Variants in PTPRD observed in about 807,000 individuals in gnomAD.
PTPRD encodes protein tyrosine phosphatase receptor type D.
PTPRD carries 34 observed loss-of-function variants against 214.5 expected under a neutral mutation model. The ratio of observed to expected loss-of-function variants is 0.16; its 90% CI spans 0.12 to 0.21. The LOEUF is 0.21. Ranked by LOEUF, PTPRD falls within the 10% of genes least tolerant of loss-of-function variation. PTPRD has a pLI of 1.00. For synonymous variants in PTPRD, 1,128 were observed against 845.7 expected (o/e 1.33, Z -5.79); for missense variants, 2,545 against 2,398.7 (o/e 1.06, Z -1.27).
intron 36 of PTPRD, among the ~76,000 whole-genome samples, chr9:8,403,080 G>T (rs2130429386): frequency 6.6e-6 from 1 of 152,242 alleles, no homozygotes; most frequent in Non-Finnish European, 1.5e-5. Context: ...AAAAAAACTG[G>T]AAACAAATGT....
chr9:10,348,783 G>A (rs1057001634), intron 2 of PTPRD, among the ~76,000 whole-genome samples: 2 of 152,104 alleles, frequency 1.3e-5, no homozygotes, highest in Admixed American at 6.5e-5. Context: ...AAGCTAAAAG[G>A]AAAAGTCCAG....
At chr9:8,441,214 C>A (rs781323824) in intron 34 of PTPRD, among the ~76,000 whole-genome samples, 1 of 152,012 alleles carries the variant, frequency 6.6e-6, no homozygotes, top group Non-Finnish European at 1.5e-5. Flanking sequence ...CCAGAAAGAA[C>A]AGTAATTCTT....
chr9:10,292,606 G>A (rs1422949161), intron 3 of PTPRD, among the ~76,000 whole-genome samples: 1 of 151,834 alleles, frequency 6.6e-6, no homozygotes, highest in Non-Finnish European at 1.5e-5. Flanking sequence ...TGTTATTTTT[G>A]GGCAATCTTA....
chr9:9,582,021 C>T (rs779129227), intron 7 of PTPRD, among the ~76,000 whole-genome samples: 1 of 152,122 alleles, frequency 6.6e-6, no homozygotes, highest in Non-Finnish European at 1.5e-5. Context: ...AGACATTGTA[C>T]AATTGCATTC....
intron 27 of PTPRD, 73 bp downstream of exon 27, chr9:8,492,789 G>C: frequency 9.6e-7 from 1 of 1,046,076 alleles, no homozygotes; most frequent in Non-Finnish European, 1.4e-6. Context: ...ATAAAAGCCT[G>C]CTAGAAGCTA....
intron 5 of PTPRD, among the ~76,000 whole-genome samples, chr9:9,808,950 A>ATTTTTT (rs59065058): frequency 7.0e-6 from 1 of 142,258 alleles, no homozygotes; most frequent in Non-Finnish European, 1.5e-5. Context: ...TTTATTTTGT[A>ATTTTTT]TTTTTTTTTT....
intron 2 of PTPRD, among the ~76,000 whole-genome samples, chr9:10,421,392 G>C (rs1022773463): frequency 2.0e-5 from 3 of 151,834 alleles, no homozygotes; most frequent in Non-Finnish European, 4.4e-5. Flanking sequence ...ATGGAGCAAG[G>C]TTCCGTTGAT....
intron 11 of PTPRD, among the ~76,000 whole-genome samples, chr9:8,920,232 T>C (rs375654816): frequency 6.6e-6 from 1 of 151,838 alleles, no homozygotes. Flanking sequence ...TCCTAGCTAC[T>C]TGGGGGGCTG....
intron 10 of PTPRD, among the ~76,000 whole-genome samples, chr9:9,058,740 C>T (rs899639973): frequency 1.8e-4 from 27 of 151,802 alleles, no homozygotes; most frequent in Non-Finnish European, 3.2e-4. Flanking sequence ...TGAGCCACCG[C>T]GCCCGGCCGA....
At chr9:9,293,828 C>T (rs1340674360) in intron 9 of PTPRD, among the ~76,000 whole-genome samples, 1 of 151,570 alleles carries the variant, frequency 6.6e-6, no homozygotes, top group Non-Finnish European at 1.5e-5. Flanking sequence ...TGAGGTACAA[C>T]AGTAAAATTA....
At chr9:9,139,973 G>C (rs2099857292) in intron 10 of PTPRD, among the ~76,000 whole-genome samples, 1 of 152,054 alleles carries the variant, frequency 6.6e-6, no homozygotes, top group South Asian at 2.1e-4. Flanking sequence ...GAAATGGTGG[G>C]AATATCTAGT....
At chr9:8,502,084 C>G (rs1384571220) in intron 23 of PTPRD, among the ~76,000 whole-genome samples, 1 of 152,098 alleles carries the variant, frequency 6.6e-6, no homozygotes, top group Non-Finnish European at 1.5e-5. Context: ...GACATACTTT[C>G]TTACTGCCCA....
chr9:9,007,792 G>A (rs1408372980), intron 11 of PTPRD, among the ~76,000 whole-genome samples: 21 of 82,106 alleles, frequency 2.6e-4, no homozygotes, highest in African/African-American at 9.0e-4. Context: ...TCTTTCAGTT[G>A]TTTCTTTCTT....
chr9:9,974,104 C>T (rs979594436), intron 4 of PTPRD, among the ~76,000 whole-genome samples: 19 of 152,272 alleles, frequency 1.2e-4, no homozygotes, highest in Non-Finnish European at 1.9e-4. Context: ...TAGGCTTGCT[C>T]AACATCTTTA....
intron 8 of PTPRD, among the ~76,000 whole-genome samples, chr9:9,548,431 G>A (rs566968892): frequency 1.9e-3 from 251 of 133,112 alleles, no homozygotes; most frequent in African/African-American, 6.7e-3. Flanking sequence ...TTTTTAAGAC[G>A]GAGTCTCGCT....
intron 2 of PTPRD, among the ~76,000 whole-genome samples, chr9:10,392,500 T>C (rs1178965776): frequency 6.6e-6 from 1 of 151,876 alleles, no homozygotes; most frequent in African/African-American, 2.4e-5. Flanking sequence ...TTTTATTTAA[T>C]GAATATTTAT....
At chr9:9,195,775 T>G (rs566665249) in intron 9 of PTPRD, among the ~76,000 whole-genome samples, 1 of 151,256 alleles carries the variant, frequency 6.6e-6, no homozygotes, top group South Asian at 2.1e-4. Context: ...GGCTGTAAAT[T>G]ATTTATAGTG....
intron 11 of PTPRD, 55 bp from the exon 12 acceptor site, chr9:8,734,001 T>A: frequency 1.5e-6 from 1 of 664,522 alleles, no homozygotes; most frequent in East Asian, 2.7e-5. Context: ...AGTGCTTAGA[T>A]TTCTTACTCT....
At chr9:9,252,101 C>T (rs1475822294) in intron 9 of PTPRD, among the ~76,000 whole-genome samples, 1 of 151,960 alleles carries the variant, frequency 6.6e-6, no homozygotes, top group African/African-American at 2.4e-5. Flanking sequence ...CCACAATACT[C>T]CCTGGGGTAC....
Sources: allele counts gnomAD v4.1 joint callset (sites outside exome capture counted in the v4.1 genomes callset), GRCh38; gene constraint gnomAD v4.1.1; transcripts MANE v1.5; gene names NCBI Gene and HGNC (gene_info 2026-07-23, HGNC 2026-07-21).